The following OPCML variants were observed in gnomAD, a reference collection of about 807,000 sequenced individuals.
The protein encoded by OPCML is opioid-binding protein/cell adhesion molecule.
OPCML carries 13 observed loss-of-function variants against 37.8 expected under a neutral mutation model. The ratio of observed to expected loss-of-function variants is 0.34; its 90% CI spans 0.22 to 0.55. The LOEUF (loss-of-function observed/expected upper bound fraction) is 0.55. Ranked by LOEUF, OPCML falls within the 20% of genes least tolerant of loss-of-function variation. The probability of loss-of-function intolerance (pLI) is 0.91; values close to 1 mark genes in which losing one functional copy is unlikely to be tolerated. For missense variants in OPCML, 341 were observed against 435.6 expected (o/e 0.78, Z 1.93); for synonymous variants, 176 against 168.8 (o/e 1.04, Z -0.33).
chr11:132,574,780 G>T (rs1216473820), intron 3 of OPCML, among the ~76,000 whole-genome samples: 1 of 151,850 alleles, frequency 6.6e-6, no homozygotes, highest in Admixed American at 6.6e-5. Flanking sequence ...AGACTCATTT[G>T]GCCTGTGGTG....
chr11:132,559,708 G>T (rs560519447), intron 3 of OPCML, among the ~76,000 whole-genome samples: 8 of 152,292 alleles, frequency 5.3e-5, no homozygotes, highest in African/African-American at 1.9e-4. Flanking sequence ...AGAGAGAAGA[G>T]ATTATTTCAA....
chr11:132,719,325 T>C (rs1471165508), intron 2 of OPCML, among the ~76,000 whole-genome samples: 2 of 152,188 alleles, frequency 1.3e-5, no homozygotes, highest in African/African-American at 4.8e-5. Context: ...TGGTTTTGGT[T>C]GGTGTTGGGG....
chr11:132,929,261 T>A (rs1252281472), intron 2 of OPCML, among the ~76,000 whole-genome samples: 1 of 152,016 alleles, frequency 6.6e-6, no homozygotes, highest in African/African-American at 2.4e-5. Flanking sequence ...AAAAAGGTCA[T>A]GGTATAACTA....
At chr11:133,040,608 G>T (rs1297042431) in intron 1 of OPCML, among the ~76,000 whole-genome samples, 1 of 152,178 alleles carries the variant, frequency 6.6e-6, no homozygotes, top group African/African-American at 2.4e-5. Flanking sequence ...GGAAAGAGGG[G>T]CAGGATCCAC....
intron 1 of OPCML, among the ~76,000 whole-genome samples, chr11:132,967,154 C>G (rs184838485): frequency 6.6e-6 from 1 of 151,926 alleles, no homozygotes; most frequent in African/African-American, 2.4e-5. Context: ...AATATTAATA[C>G]TTTTTCACTC....
At chr11:132,653,731 C>T (rs1391531864) in intron 3 of OPCML, among the ~76,000 whole-genome samples, 2 of 152,196 alleles carry the variant, frequency 1.3e-5, no homozygotes, top group Non-Finnish European at 2.9e-5. Context: ...CTCTCAGGCG[C>T]TCCCATGGCA....
Position 132,657,301 on chromosome 11 carries a change from C to T in OPCML, c.165G>A (p.Arg55=). 6.2e-7 allele frequency: 1 copy of T among 1,614,136 alleles called. No individual in the cohort carries two copies. The highest frequency in any genetic ancestry group is 1.1e-5 in the South Asian group (1 of 91,082). ...GGTTTAGCCAGGCCACCCGGGTTAC[C>T]CGGTCATCTATGGTACACCTGCAGT... The part of the protein sequence containing the change: ...SATLRCTIDD[R]VTRVAWLNRS... Residue 55 remains arginine, a synonymous_variant, in exon 3 of 8, where the codon CGG becomes CGA. Transcript: ENST00000524381.
At chr11:132,522,240 G>T (rs1318766152) in intron 4 of OPCML, among the ~76,000 whole-genome samples, 1 of 152,156 alleles carries the variant, frequency 6.6e-6, no homozygotes, top group South Asian at 2.1e-4. Context: ...AAGGACATTT[G>T]CCTTTTTGCC....
intron 1 of OPCML, among the ~76,000 whole-genome samples, chr11:133,107,517 G>A (rs1265060248): frequency 6.6e-6 from 1 of 152,168 alleles, no homozygotes; most frequent in African/African-American, 2.4e-5. Context: ...TATTTATCCA[G>A]ACAACCTGTC....
At chr11:133,313,142 A>C (rs1943107558) in intron 1 of OPCML, among the ~76,000 whole-genome samples, 1 of 152,206 alleles carries the variant, frequency 6.6e-6, no homozygotes, top group Non-Finnish European at 1.5e-5. Context: ...CTGCATCCCC[A>C]TCGCCATATA....
intron 2 of OPCML, among the ~76,000 whole-genome samples, chr11:132,697,295 AT>A (rs1476915304): frequency 6.6e-6 from 1 of 152,190 alleles, no homozygotes; most frequent in Non-Finnish European, 1.5e-5. Flanking sequence ...TGGGAAGAGC[AT>A]TTAAGAGATC....
In OPCML at chr11:132,656,543, C is replaced by A. The variant is rs146975744; in HGVS notation, c.379+544G>T. 1.4e-4 allele frequency among the ~76,000 whole-genome samples: 21 copies of A among 152,228 alleles called. No homozygotes were observed. The East Asian group carries it at 4.1e-3, about 30-fold the overall frequency. On this transcript the variant is annotated intron_variant, in intron 3 of 7. Coordinates refer to ENST00000524381, the MANE Select transcript of OPCML (RefSeq NM_001012393.5). Reference sequence around the variant, plus strand: ...CTGCAGATATCATTCTGACTAATATCCCTCTTGGATCTGGACTTCATTGTC... The same window carrying A: ...CTGCAGATATCATTCTGACTAATATACCTCTTGGATCTGGACTTCATTGTC...
chr11:132,613,880 T>G (rs553470067), intron 3 of OPCML, among the ~76,000 whole-genome samples: 57 of 152,244 alleles, frequency 3.7e-4, no homozygotes, highest in South Asian at 1.0e-3. Context: ...GAGTCGTCTT[T>G]TGAAACCTCT....
In OPCML at chr11:132,519,468, A is replaced by G. The variant is rs1308033695; in HGVS notation, c.505+9593T>C. On this transcript the variant is annotated intron_variant, in intron 4 of 7. Transcript: ENST00000524381. ...CCAAGAAGGAGATTCTCAGGAATTT[A>G]TGACTCAATCAACTCACCCAAAAGG... is the stretch of plus-strand genomic sequence containing the variant. 3.3e-5 allele frequency among the ~76,000 whole-genome samples: 5 copies of G among 152,120 alleles called. No homozygotes were observed. The South Asian group carries it at 6.2e-4, about 19-fold the overall frequency.
rs371586434 is a variant in OPCML at position 133,158,708 on chromosome 11, TTAAA to T, written c.62-215702_62-215699del. ...AGTGAGACTCTGTCTAAAAATAAAATTAAAAAAATAAAATAAAATAAAATAAAAT... is the reference window on the plus strand; with the variant it reads ...AGTGAGACTCTGTCTAAAAATAAAATAAAATAAAATAAAATAAAATAAAAT... On this transcript the variant is annotated intron_variant, in intron 1 of 7. Coordinates refer to ENST00000524381, the MANE Select transcript of OPCML (RefSeq NM_001012393.5). Among the ~76,000 whole-genome samples, 519 of 109,024 alleles carry T rather than the reference TTAAA, an allele frequency of 4.8e-3. 1 individual carries two copies. The highest frequency in any genetic ancestry group is 6.9e-3 in the Non-Finnish European group (364 of 53,090). 71.5% of individuals were successfully genotyped at this position (109,024 alleles called of 152,430 possible).
intron 2 of OPCML, among the ~76,000 whole-genome samples, chr11:132,724,637 T>C (rs1418056556): frequency 1.3e-5 from 2 of 152,200 alleles, no homozygotes; most frequent in African/African-American, 4.8e-5. Flanking sequence ...TAACCCATTT[T>C]AGTATTAACT....
intron 2 of OPCML, among the ~76,000 whole-genome samples, chr11:132,829,527 G>T (rs769574419): frequency 1.3e-5 from 2 of 152,130 alleles, no homozygotes; most frequent in African/African-American, 2.4e-5. Context: ...GTTTGAGAAG[G>T]GCCTCTGACT....
chr11:133,240,796 A>G (rs1248941929), intron 1 of OPCML, among the ~76,000 whole-genome samples: 1 of 152,222 alleles, frequency 6.6e-6, no homozygotes, highest in Non-Finnish European at 1.5e-5. Context: ...GGCAACAAAT[A>G]TCACATCCCA....
chr11:132,741,907 T>G (rs996848015), intron 2 of OPCML, among the ~76,000 whole-genome samples: 3 of 151,826 alleles, frequency 2.0e-5, no homozygotes, highest in African/African-American at 7.3e-5. Context: ...TGCATGCCTG[T>G]AATCCCAGCT....
Sources: gnomAD v4.1 joint callset for allele counts (sites outside exome capture counted in the v4.1 genomes callset) on GRCh38, gnomAD v4.1.1 for gene constraint, MANE v1.5 for transcripts, NCBI Gene and HGNC (gene_info 2026-07-23, HGNC 2026-07-21) for gene names.